Variants in PPIA observed in about 807,000 individuals in gnomAD.
The protein encoded by PPIA is peptidylprolyl isomerase A, also known as peptidyl-prolyl cis-trans isomerase A.
A neutral mutation model predicts 15.3 loss-of-function variants in PPIA; 2 were observed. The ratio of observed to expected loss-of-function variants is 0.13; its 90% CI spans 0.05 to 0.41. PPIA has a LOEUF of 0.41. Among genes scored for constraint, PPIA ranks in the 10% least tolerant of loss-of-function variants. The pLI, the probability that PPIA is intolerant of heterozygous loss-of-function variation, is 0.99. For synonymous variants in PPIA, 67 were observed against 73.1 expected, an observed-to-expected ratio of 0.92 and a Z score of 0.43; for missense variants, 103 against 210.3, an observed-to-expected ratio of 0.49 and a Z score of 3.16.
At chr7:44,799,969 CCA>C (rs1792496797) in intron 4 of PPIA, 95 bp downstream of exon 4, 1 of 1,324,390 alleles carries the variant, frequency 7.6e-7, no homozygotes, top group Non-Finnish European at 1.1e-6. Context: ...ACCTTTGCTT[CCA>C]CAGACTTTTT....
rs1253979981 is a variant in PPIA at position 44,801,741 on chromosome 7, A to C, written c.*319A>C. ...TCTACACAGTACTTAGATTTTTTTT[A>C]CTTTCCAGTCCCAGGAAGTGTCAAT... On this transcript the variant is annotated 3_prime_UTR_variant, in exon 5 of 5. Coordinates refer to ENST00000468812, the MANE Select transcript of PPIA (RefSeq NM_021130.5). The C allele has an allele frequency of 4.4e-6, 1 of 228,242 alleles. No individual in the cohort carries two copies. Among genetic ancestry groups the C allele is most frequent in the African/African-American group, 2.5e-5 (1 of 39,904 alleles). The allele number at this position is 228,242 out of a possible 1,614,324, so 14.1% of individuals were successfully genotyped here.
chr7:44,800,360 AT>A (rs1343759951), intron 4 of PPIA: 1 of 156,462 alleles, frequency 6.4e-6, no homozygotes, highest in Non-Finnish European at 1.4e-5. Context: ...AAGTGCTGGG[AT>A]TTCAGGCATG....
At chr7:44,801,239 C>T in intron 4 of PPIA, 48 bp from the exon 5 acceptor site, 4 of 1,599,222 alleles carry the variant, frequency 2.5e-6, no homozygotes, top group Non-Finnish European at 2.6e-6. Flanking sequence ...CACATGGAGG[C>T]TGCTTGTTTG....
chr7:44,796,884 C>A, intron 1 of PPIA, 91 bp downstream of exon 1: 2 of 1,387,188 alleles, frequency 1.4e-6, no homozygotes, highest in Non-Finnish European at 1.9e-6. Flanking sequence ...GGGCGCGGGG[C>A]GACCCTGCTT....
At position 44,802,192 on chromosome 7, in the gene PPIA, C is replaced by T. The variant is rs57534886; in HGVS notation, c.*770C>T. The T allele has an allele frequency of 0.32, 34,546 of 107,670 alleles. 6,490 individuals are homozygous for T. The highest frequency in any genetic ancestry group is 0.75 in the East Asian group (3,501 of 4,678). The allele number at this position is 107,670 out of a possible 1,614,324, so 6.7% of individuals were successfully genotyped here. A position where few individuals can be genotyped will look rare whatever the true frequency, so the allele number is the denominator to read the frequency against. ...GTTGCGGTTTTTTTTTTTTTTTTTT[C>T]CCCTGGAATGCAGTGGCGTGATCTC... On this transcript the variant is annotated 3_prime_UTR_variant, in exon 5 of 5. Coordinates refer to ENST00000468812, the MANE Select transcript of PPIA (RefSeq NM_021130.5).
intron 4 of PPIA, 30 bp from the exon 5 acceptor site, chr7:44,801,257 C>T (rs757601147): frequency 2.5e-6 from 4 of 1,610,122 alleles, no homozygotes; most frequent in South Asian, 1.1e-5. Flanking sequence ...TTGTGGTTGC[C>T]AGTCATAGTG....
Position 44,796,706 on chromosome 7 carries a change from A to G in PPIA, c.-19A>G, listed in dbSNP as rs373612022. The G allele has an allele frequency of 1.1e-4, 172 of 1,609,632 alleles. No homozygotes were observed. In the African/African-American group the frequency reaches 1.7e-3, roughly 16 times the overall value. On this transcript the variant is annotated 5_prime_UTR_variant, in exon 1 of 5. Coordinates refer to ENST00000468812, the MANE Select transcript of PPIA (RefSeq NM_021130.5). ...GTTTTGCAGACGCCACCGCCGAGGA[A>G]AACCGTGTACTATTAGCCATGGTCA...
At position 44,799,883 on chromosome 7, in the gene PPIA, A is replaced by G; in HGVS notation, c.362+9A>G. On this transcript the variant is annotated intron_variant, in intron 4 of 4. Coordinates refer to ENST00000468812, the MANE Select transcript of PPIA (RefSeq NM_021130.5). The stretch of plus-strand genomic sequence containing the variant: ...ACTGCCAAGACTGAGTGGTAAGGGT[A>G]CAACATGGCACACTAACCACCTGAC... 1.2e-6 allele frequency: 2 copies of G among 1,607,734 alleles called. No homozygotes were observed. The highest frequency in any genetic ancestry group is 1.7e-6 in the Non-Finnish European group (2 of 1,179,294).
At chr7:44,799,669 G>A (rs1485050562) in intron 3 of PPIA, 33 bp from the exon 4 acceptor site, 2 of 1,613,170 alleles carry the variant, frequency 1.2e-6, no homozygotes, top group African/African-American at 2.7e-5. Flanking sequence ...TGGTTATGTT[G>A]TCAGAAGTGA....
intron 4 of PPIA, chr7:44,800,397 G>GTTTTTTTTTTTT (rs139479853): frequency 1.1e-5 from 1 of 90,948 alleles, no homozygotes; most frequent in African/African-American, 3.1e-5. Flanking sequence ...CCAATTAAGT[G>GTTTTTTTTTTTT]CTTTTTTTTT....
At chr7:44,800,011 C>A in intron 4 of PPIA, 137 bp downstream of exon 4, 1 of 889,566 alleles carries the variant, frequency 1.1e-6, no homozygotes, top group Non-Finnish European at 1.7e-6. Flanking sequence ...GAAGAGCATA[C>A]ATAAACGACA....
intron 2 of PPIA, 27 bp from the exon 3 acceptor site, chr7:44,799,365 A>G (rs1212812452): frequency 1.4e-5 from 22 of 1,605,640 alleles, no homozygotes; most frequent in Non-Finnish European, 1.7e-5. Flanking sequence ...ATGTATGTAT[A>G]TATGTGTTTA....
In PPIA at chr7:44,797,427, C is replaced by G. The variant is rs771989419; in HGVS notation, c.69+634C>G. ...TAAAGTAGGAATATTTATACATGTG[C>G]CCCAAACGTCCCTCCGTGTCCCCCA... On this transcript the variant is annotated intron_variant, in intron 1 of 4. Coordinates refer to ENST00000468812, the MANE Select transcript of PPIA (RefSeq NM_021130.5). Among the ~76,000 whole-genome samples the G allele has an allele frequency of 2.2e-4, 33 of 152,268 alleles. 1 individual carries two copies. The South Asian group carries it at 3.5e-3, about 16-fold the overall frequency.
At position 44,801,711 on chromosome 7, in the gene PPIA, T is replaced by C. The variant is rs1307308697; in HGVS notation, c.*289T>C. The C allele has an allele frequency of 3.2e-6, 1 of 312,636 alleles. No homozygotes were observed. The highest frequency in any genetic ancestry group is 6.0e-6 in the Non-Finnish European group (1 of 166,492). 19.4% of individuals were successfully genotyped at this position (312,636 alleles called of 1,614,324 possible). The stretch of plus-strand genomic sequence containing the variant: ...TACTTCTGAAACATCACTTGTTTGC[T>C]TAATTCTACACAGTACTTAGATTTT... On this transcript the variant is annotated 3_prime_UTR_variant, in exon 5 of 5. Transcript: ENST00000468812.
chr7:44,797,475 T>C (rs937075334), intron 1 of PPIA, among the ~76,000 whole-genome samples: 1 of 152,082 alleles, frequency 6.6e-6, no homozygotes, highest in Non-Finnish European at 1.5e-5. Flanking sequence ...AATGTGAAAA[T>C]GGGCCTTGCC....
At position 44,802,235 on chromosome 7, in the gene PPIA, G is replaced by T. The variant is rs879288197; in HGVS notation, c.*813G>T. On this transcript the variant is annotated 3_prime_UTR_variant, in exon 5 of 5. Coordinates refer to ENST00000468812, the MANE Select transcript of PPIA (RefSeq NM_021130.5). ...GTGATCTCAGCTCACTGCAGCCTCC[G>T]CCTCCTGGGTTCAAGTGATTCTAGT... 2.2e-5 allele frequency: 3 copies of T among 139,202 alleles called. No individual in the cohort carries two copies. The highest frequency in any genetic ancestry group is 8.3e-5 in the African/African-American group (3 of 36,226). 8.6% of individuals were successfully genotyped at this position (139,202 alleles called of 1,614,324 possible).
rs1735797847 is a variant in PPIA at position 44,799,240 on chromosome 7, C to T, written c.70-7C>T. 2 of 1,613,240 alleles carry T rather than the reference C, an allele frequency of 1.2e-6. No individual in the cohort carries two copies. Among genetic ancestry groups the T allele is most frequent in the Non-Finnish European group, 8.5e-7 (1 of 1,179,630 alleles). On this transcript the variant is annotated splice_polypyrimidine_tract_variant and splice_region_variant and intron_variant, in intron 1 of 4. Transcript: ENST00000468812. ...AGATGTTAATTAACTGTAATTTTCTCTTACAGCTGTTTGCAGACAAGGTCC... is the reference window on the plus strand; with the variant it reads ...AGATGTTAATTAACTGTAATTTTCTTTTACAGCTGTTTGCAGACAAGGTCC...
In PPIA at chr7:44,799,215, A is replaced by G. The variant is rs763591515; in HGVS notation, c.70-32A>G. ...ATGGGTACTAAGCAACAAAATAAGC[A>G]GATGTTAATTAACTGTAATTTTCTC... On this transcript the variant is annotated intron_variant, in intron 1 of 4. Coordinates refer to ENST00000468812, the MANE Select transcript of PPIA (RefSeq NM_021130.5). 17 of 1,609,154 alleles carry G rather than the reference A, an allele frequency of 1.1e-5. No individual in the cohort carries two copies. In the African/African-American group the frequency reaches 2.3e-4, roughly 22 times the overall value.
Position 44,800,434 on chromosome 7 carries a change from G to A in PPIA, c.362+560G>A, listed in dbSNP as rs111764561. On this transcript the variant is annotated intron_variant, in intron 4 of 4. Transcript: ENST00000468812. ...TTTTTCTTTTCTCAGACTGGATCTC[G>A]CTCTTATCTCCCAGGTTGGAGTGCA... 261 of 127,406 alleles carry A rather than the reference G, an allele frequency of 2.0e-3. 2 individuals carry two copies. Among genetic ancestry groups the A allele is most frequent in the African/African-American group, 7.6e-3 (234 of 30,638 alleles). 7.9% of individuals were successfully genotyped at this position (127,406 alleles called of 1,614,324 possible). A position where few individuals can be genotyped will look rare whatever the true frequency, so the allele number is the denominator to read the frequency against.
Sources: gnomAD v4.1 joint callset for allele counts (sites outside exome capture counted in the v4.1 genomes callset) on GRCh38, gnomAD v4.1.1 for gene constraint, MANE v1.5 for transcripts, NCBI Gene and HGNC (gene_info 2026-07-23, HGNC 2026-07-21) for gene names.